DNAJC6: variants seen among roughly 807,000 people sequenced by gnomAD.
DNAJC6 encodes the protein auxilin.
A neutral mutation model predicts 110.0 loss-of-function variants in DNAJC6; 34 were observed. That is an observed-to-expected ratio of 0.31 (90% CI 0.24 to 0.41). The LOEUF (loss-of-function observed/expected upper bound fraction) is 0.41, where lower values mean the gene tolerates loss of function less well. DNAJC6 is among the 10% of genes least tolerant of loss of function. The probability of loss-of-function intolerance (pLI) is 1.00; values close to 1 mark genes in which losing one functional copy is unlikely to be tolerated. For synonymous variants in DNAJC6, 406 were observed against 437.2 expected, an observed-to-expected ratio of 0.93 and a Z score of 0.89; for missense variants, 1,031 against 1,207.8, an observed-to-expected ratio of 0.85 and a Z score of 2.17.
chr1:65,330,891 C>T (rs376060602), intron 1 of DNAJC6, among the ~76,000 whole-genome samples: 2 of 152,304 alleles, frequency 1.3e-5, no homozygotes, highest in Admixed American at 6.5e-5. Flanking sequence ...CTCTCTTCTT[C>T]GTCATCTAAG....
chr1:65,361,635 T>C (rs1394128217), intron 1 of DNAJC6, among the ~76,000 whole-genome samples: 2 of 152,178 alleles, frequency 1.3e-5, no homozygotes, highest in Admixed American at 1.3e-4. Flanking sequence ...AATGTAAAAG[T>C]CTGACAATAC....
Position 65,401,848 on chromosome 1 carries a change from C to T in DNAJC6, c.2195C>T (p.Thr732Ile). Residue 732 changes from threonine (T) to isoleucine (I), a missense_variant, in exon 15 of 19, where the codon ACT (threonine) becomes ATT (isoleucine). Thr to Ile is a moderately conservative substitution (Grantham distance 89, BLOSUM62 -1). Transcript: ENST00000371069. ...GTPTHQSKPQ[T>I]LDPFADLGTL... is the part of the protein sequence containing the mutation. ...CCCACCCATCAAAGCAAACCCCAGACTCTGGATCCTTTTGCCGACCTTGGG... is the reference window on the plus strand; with the variant it reads ...CCCACCCATCAAAGCAAACCCCAGATTCTGGATCCTTTTGCCGACCTTGGG... 1 of 1,613,814 alleles carries T rather than the reference C, an allele frequency of 6.2e-7. No individual in the cohort carries two copies. The highest frequency in any genetic ancestry group is 2.2e-5 in the East Asian group (1 of 44,858).
chr1:65,355,099 T>C (rs1645529319), intron 1 of DNAJC6, among the ~76,000 whole-genome samples: 1 of 151,830 alleles, frequency 6.6e-6, no homozygotes. Flanking sequence ...ACCCCGTTGC[T>C]GCAGAAAATA....
intron 1 of DNAJC6, among the ~76,000 whole-genome samples, chr1:65,295,122 C>T (rs1391477748): frequency 6.6e-6 from 1 of 152,124 alleles, no homozygotes; most frequent in Non-Finnish European, 1.5e-5. Context: ...CTGTATTAGG[C>T]AGGATTCCTT....
intron 1 of DNAJC6, among the ~76,000 whole-genome samples, chr1:65,320,633 G>A (rs1352292670): frequency 1.3e-5 from 2 of 152,184 alleles, no homozygotes; most frequent in South Asian, 4.1e-4. Context: ...TGCCTACTAT[G>A]TGCTGCCACT....
In DNAJC6 at chr1:65,372,898, A is replaced by AT. The variant is rs1645721446; in HGVS notation, c.544-6499dup. ...TTAAAATATGCATATATAATGTACC[A>AT]TTTTTACCATTTTAAGTGTACAGTT... On this transcript the variant is annotated intron_variant, in intron 4 of 18. Transcript: ENST00000371069. 2.6e-5 allele frequency among the ~76,000 whole-genome samples: 4 copies of AT among 152,182 alleles called. No homozygotes were observed. The East Asian group carries it at 5.8e-4, about 22-fold the overall frequency.
At chr1:65,360,862 A>C (rs1049207687) in intron 1 of DNAJC6, among the ~76,000 whole-genome samples, 1 of 152,056 alleles carries the variant, frequency 6.6e-6, no homozygotes, top group Non-Finnish European at 1.5e-5. Flanking sequence ...GTGATTTATG[A>C]GGGTGCTTAT....
Position 65,392,588 on chromosome 1 carries a change from G to T in DNAJC6, c.1626G>T (p.Gln542His). ...PHGVKKPSKK[Q>H]QEPAAPPPPE... The stretch of plus-strand genomic sequence containing the variant: ...GAGTCAAGAAGCCCAGCAAAAAGCA[G>T]CAGGAGCCAGCAGCCCCTCCACCCC... The change falls in exon 12 of 19, where the codon CAG (glutamine) becomes CAT (histidine). Residue 542 changes from glutamine to histidine, a missense_variant. Coordinates refer to ENST00000371069, the MANE Select transcript of DNAJC6 (RefSeq NM_001256864.2). The T allele has an allele frequency of 6.2e-7, 1 of 1,614,068 alleles. No individual in the cohort carries two copies. The highest frequency in any genetic ancestry group is 8.5e-7 in the Non-Finnish European group (1 of 1,179,990).
chr1:65,309,725 C>G lies in DNAJC6; in HGVS notation c.-21C>G, dbSNP rs1645079346. On this transcript the variant is annotated 5_prime_UTR_variant, in exon 1 of 19. Coordinates refer to ENST00000371069, the MANE Select transcript of DNAJC6 (RefSeq NM_001256864.2). ...TTTCGCTTCCCAGGTTGATTATTTTCTCTTTTCTCCGGGCTTGCCCATGAG... is the reference window on the plus strand; with the variant it reads ...TTTCGCTTCCCAGGTTGATTATTTTGTCTTTTCTCCGGGCTTGCCCATGAG... 1 of 1,538,610 alleles carries G rather than the reference C, an allele frequency of 6.5e-7. No individual in the cohort carries two copies. Among genetic ancestry groups the G allele is most frequent in the Non-Finnish European group, 8.8e-7 (1 of 1,141,510 alleles).
chr1:65,318,680 A>AAC (rs1645169726), intron 1 of DNAJC6, among the ~76,000 whole-genome samples: 1 of 152,188 alleles, frequency 6.6e-6, no homozygotes, highest in African/African-American at 2.4e-5. Flanking sequence ...GGCAGGGAAC[A>AAC]ACACACACTG....
At chr1:65,315,295 T>A (rs559504118) in intron 1 of DNAJC6, among the ~76,000 whole-genome samples, 26 of 152,180 alleles carry the variant, frequency 1.7e-4, no homozygotes, top group East Asian at 9.6e-4. Flanking sequence ...GTTTTTTTTT[T>A]TTATTATTTT....
intron 1 of DNAJC6, among the ~76,000 whole-genome samples, chr1:65,357,734 C>A (rs192895183): frequency 5.3e-5 from 8 of 152,320 alleles, no homozygotes; most frequent in African/African-American, 1.4e-4. Flanking sequence ...GCCTGCCTCT[C>A]CCAGGCCAGC....
intron 1 of DNAJC6, among the ~76,000 whole-genome samples, chr1:65,302,259 ATATATAT>A (rs1157463775): frequency 5.2e-4 from 10 of 19,090 alleles, no homozygotes; most frequent in South Asian, 1.6e-3. Context: ...ATATAATATT[ATATATAT>A]TATATATTAT....
chr1:65,299,166 T>TA (rs1557505708), intron 1 of DNAJC6, among the ~76,000 whole-genome samples: 1 of 152,174 alleles, frequency 6.6e-6, no homozygotes, highest in East Asian at 1.9e-4. Flanking sequence ...AATAATAAAA[T>TA]AAAAATACCC....
chr1:65,267,899 T>C (rs950237732), intron 1 of DNAJC6, among the ~76,000 whole-genome samples: 5 of 151,766 alleles, frequency 3.3e-5, no homozygotes, highest in Non-Finnish European at 5.9e-5. Context: ...TGTGTGTGTG[T>C]GTGTGTGTGT....
intron 1 of DNAJC6, chr1:65,279,180 A>C (rs1390365500): frequency 1.0e-6 from 1 of 984,868 alleles, no homozygotes; most frequent in African/African-American, 1.7e-5. Flanking sequence ...GTTTAAATTT[A>C]GAATAACATT....
intron 1 of DNAJC6, among the ~76,000 whole-genome samples, chr1:65,289,996 G>C (rs1317835846): frequency 6.6e-6 from 1 of 152,054 alleles, no homozygotes; most frequent in Non-Finnish European, 1.5e-5. Flanking sequence ...TTTTAGTAAA[G>C]ATGGGGTTTC....
At chr1:65,406,461 A>G (rs775504592) in intron 16 of DNAJC6, among the ~76,000 whole-genome samples, 1 of 152,196 alleles carries the variant, frequency 6.6e-6, no homozygotes, top group Non-Finnish European at 1.5e-5. Flanking sequence ...AGTGCTTGGC[A>G]TAGGGTAGGC....
intron 1 of DNAJC6, among the ~76,000 whole-genome samples, chr1:65,271,882 AAAAG>A (rs1557491811): frequency 6.6e-6 from 1 of 151,998 alleles, no homozygotes; most frequent in Non-Finnish European, 1.5e-5. Flanking sequence ...AAAAAAAAAA[AAAAG>A]AAAGAAATAG....
Sources: allele counts gnomAD v4.1 joint callset (sites outside exome capture counted in the v4.1 genomes callset), GRCh38; gene constraint gnomAD v4.1.1; transcripts MANE v1.5; gene names NCBI Gene and HGNC (gene_info 2026-07-23, HGNC 2026-07-21).